IFT88: variants seen among roughly 807,000 people sequenced by gnomAD.
IFT88 encodes the protein intraflagellar transport protein 88 homolog.
Under a neutral mutation model 119.5 loss-of-function variants are expected in IFT88, and 74 were observed. The observed-to-expected ratio is 0.62, with a 90% CI of 0.51 to 0.75. The LOEUF (loss-of-function observed/expected upper bound fraction) is 0.75, where lower values mean the gene tolerates loss of function less well. Ranked by LOEUF, IFT88 falls within the 30% of genes least tolerant of loss-of-function variation. The probability of loss-of-function intolerance (pLI) is 0.00; values close to 1 mark genes in which losing one functional copy is unlikely to be tolerated. For synonymous variants in IFT88, 279 were observed against 316.7 expected, an observed-to-expected ratio of 0.88 and a Z score of 1.26; for missense variants, 961 against 977.7, an observed-to-expected ratio of 0.98 and a Z score of 0.23.
At chr13:20,567,698 G>T in intron 1 of IFT88, 3 of 1,181,456 alleles carry the variant, frequency 2.5e-6, no homozygotes, top group Non-Finnish European at 3.1e-6. Context: ...CCTGATGAAA[G>T]TTGAATCAGG....
At chr13:20,685,161 C>A (rs2057758915) in intron 24 of IFT88, among the ~76,000 whole-genome samples, 1 of 152,160 alleles carries the variant, frequency 6.6e-6, no homozygotes, top group Admixed American at 6.5e-5. Context: ...AGAAACAGGC[C>A]CTGGCTGATT....
At chr13:20,664,013 A>G (rs1213384108) in intron 23 of IFT88, among the ~76,000 whole-genome samples, 1 of 152,198 alleles carries the variant, frequency 6.6e-6, no homozygotes, top group Admixed American at 6.5e-5. Context: ...ATTGTCGCCA[A>G]AGTTTGAGAA....
chr13:20,598,523 C>G, intron 9 of IFT88, 128 bp from the exon 10 acceptor site: 3 of 510,800 alleles, frequency 5.9e-6, no homozygotes, highest in Non-Finnish European at 1.1e-5. Context: ...TACTTAATTT[C>G]ATAATTGGCT....
intron 24 of IFT88, among the ~76,000 whole-genome samples, chr13:20,683,547 G>T (rs1012938934): frequency 3.9e-5 from 6 of 152,108 alleles, no homozygotes; most frequent in African/African-American, 1.4e-4. Context: ...AAATATAACT[G>T]CTTTGATATA....
intron 13 of IFT88, among the ~76,000 whole-genome samples, chr13:20,615,140 C>T (rs1413052223): frequency 6.6e-6 from 1 of 152,080 alleles, no homozygotes; most frequent in African/African-American, 2.4e-5. Context: ...TATATTAATA[C>T]AGCATAGTAT....
intron 14 of IFT88, among the ~76,000 whole-genome samples, chr13:20,617,483 A>G (rs1048116331): frequency 2.0e-5 from 3 of 152,212 alleles, no homozygotes; most frequent in African/African-American, 7.2e-5. Flanking sequence ...CAGTTTAATC[A>G]GGAGTTTCTT....
chr13:20,678,833 C>G (rs34076134), intron 24 of IFT88, among the ~76,000 whole-genome samples: 1 of 152,058 alleles, frequency 6.6e-6, no homozygotes, highest in African/African-American at 2.4e-5. Flanking sequence ...GGCTACTTCT[C>G]GCAAGATTTG....
chr13:20,621,840 A>C (rs2046571058), intron 14 of IFT88, among the ~76,000 whole-genome samples: 1 of 152,150 alleles, frequency 6.6e-6, no homozygotes, highest in African/African-American at 2.4e-5. Flanking sequence ...CCACCATTGT[A>C]GTATTGTATA....
In IFT88 at chr13:20,597,753, A is replaced by AT. The variant is rs1465038710; in HGVS notation, c.594+634_594+635insT. ...AGAGCGAGACTCCGTCTCAAAAAAA[A>AT]AATATATATATATATATTTTTTTTT... On this transcript the variant is annotated intron_variant, in intron 9 of 25. Transcript: ENST00000351808. Among the ~76,000 whole-genome samples the AT allele has an allele frequency of 1.3e-3, 187 of 143,108 alleles. 1 individual carries two copies. The highest frequency in any genetic ancestry group is 7.2e-3 in the South Asian group (33 of 4,608). 93.9% of individuals were successfully genotyped at this position (143,108 alleles called of 152,430 possible).
chr13:20,593,106 G>T (rs534237987), intron 7 of IFT88, among the ~76,000 whole-genome samples: 5 of 152,240 alleles, frequency 3.3e-5, no homozygotes, highest in Non-Finnish European at 7.4e-5. Flanking sequence ...TGAAATTAAT[G>T]TGTCATATTA....
chr13:20,591,697 T>A lies in IFT88; in HGVS notation c.328+16T>A. ...GCTTTGAGAGGTTTGTTACACTGTC[T>A]CTACTAATAATCTTTTTTGGATCTT... On this transcript the variant is annotated intron_variant, in intron 6 of 25. Coordinates refer to ENST00000351808, the MANE Select transcript of IFT88 (RefSeq NM_006531.5). The A allele has an allele frequency of 6.4e-7, 1 of 1,555,680 alleles. No homozygotes were observed. Among genetic ancestry groups the A allele is most frequent in the Non-Finnish European group, 8.9e-7 (1 of 1,129,884 alleles).
At chr13:20,657,497 T>A (rs987767028) in intron 22 of IFT88, among the ~76,000 whole-genome samples, 4 of 152,240 alleles carry the variant, frequency 2.6e-5, no homozygotes, top group African/African-American at 9.6e-5. Context: ...AAGAAGTATC[T>A]CTTCAACTCT....
chr13:20,574,771 A>G (rs1000675256), intron 2 of IFT88, among the ~76,000 whole-genome samples: 2 of 152,216 alleles, frequency 1.3e-5, no homozygotes, highest in African/African-American at 4.8e-5. Context: ...AAGTATTTAA[A>G]ATTAGGGTTT....
At chr13:20,630,320 T>C (rs574720935) in intron 15 of IFT88, among the ~76,000 whole-genome samples, 1 of 152,360 alleles carries the variant, frequency 6.6e-6, no homozygotes, top group African/African-American at 2.4e-5. Context: ...CTTTGCTAGC[T>C]CTACAGTGCC....
In IFT88 at chr13:20,678,912, CAG is replaced by C. The variant is rs2057009706; in HGVS notation, c.2242+7876_2242+7877del. ...AAAAGCACAATCATCATTGAAATCA[CAG>C]AGCCTCCAAGTGTCTTGATCCACTT... On this transcript the variant is annotated intron_variant, in intron 24 of 25. Transcript: ENST00000351808. Among the ~76,000 whole-genome samples, 5 of 152,216 alleles carry C rather than the reference CAG, an allele frequency of 3.3e-5. No homozygotes were observed. In the South Asian group the frequency reaches 1.0e-3, roughly 32 times the overall value.
intron 4 of IFT88, 133 bp from the exon 5 acceptor site, chr13:20,590,834 G>C: frequency 1.6e-6 from 1 of 618,808 alleles, no homozygotes; most frequent in Non-Finnish European, 2.8e-6. Flanking sequence ...TACCCTATAC[G>C]CCCAGGAGGT....
At chr13:20,689,091 G>A (rs925182093) in intron 24 of IFT88, among the ~76,000 whole-genome samples, 17 of 151,984 alleles carry the variant, frequency 1.1e-4, no homozygotes, top group African/African-American at 2.4e-4. Flanking sequence ...GCACCACCAC[G>A]CCCGGCTAAT....
intron 13 of IFT88, among the ~76,000 whole-genome samples, chr13:20,609,782 AAAAC>A (rs1381986087): frequency 6.6e-6 from 1 of 152,102 alleles, no homozygotes; most frequent in Non-Finnish European, 1.5e-5. Context: ...CAAAAAACAA[AAAAC>A]AAAGAACCAG....
intron 13 of IFT88, among the ~76,000 whole-genome samples, chr13:20,605,537 C>G (rs573088937): frequency 6.6e-6 from 1 of 152,196 alleles, no homozygotes; most frequent in African/African-American, 2.4e-5. Flanking sequence ...TTCTTCCTTC[C>G]TCTAATATGG....
Sources: gnomAD v4.1 joint callset for allele counts (sites outside exome capture counted in the v4.1 genomes callset) on GRCh38, gnomAD v4.1.1 for gene constraint, MANE v1.5 for transcripts, NCBI Gene and HGNC (gene_info 2026-07-23, HGNC 2026-07-21) for gene names.